The following TENM3 variants were observed in gnomAD, a reference collection of about 807,000 sequenced individuals.
The protein encoded by TENM3 is teneurin-3.
In TENM3, 63 loss-of-function variants were observed where a neutral mutation model predicts 255.1. The observed-to-expected ratio is 0.25, with a 90% confidence interval of 0.20 to 0.30. The LOEUF (loss-of-function observed/expected upper bound fraction) is 0.30. Among genes scored for constraint, TENM3 ranks in the 10% least tolerant of loss-of-function variants. The pLI is 1.00. For missense variants in TENM3, 2,929 were observed against 3,461.1 expected, an observed-to-expected ratio of 0.85 and a Z score of 3.86; for synonymous variants, 1,306 against 1,322.3, an observed-to-expected ratio of 0.99 and a Z score of 0.27.
the TENM3 span, among the ~76,000 whole-genome samples, chr4:182,122,054 A>T: frequency 6.6e-6 from 1 of 152,234 alleles, no homozygotes; most frequent in Non-Finnish European, 1.5e-5. Flanking sequence ...TCAAGAAACC[A>T]CTTTCTTTGC....
the TENM3 span, among the ~76,000 whole-genome samples, chr4:182,065,408 G>C: frequency 1.3e-5 from 2 of 152,216 alleles, no homozygotes; most frequent in Non-Finnish European, 2.9e-5. Flanking sequence ...AGCATGGCTG[G>C]GGAGGCCTGG....
chr4:181,645,527 T>C, the TENM3 span, among the ~76,000 whole-genome samples: 16 of 152,224 alleles, frequency 1.1e-4, no homozygotes, highest in Non-Finnish European at 2.2e-4. Flanking sequence ...TCATTTATTC[T>C]CAAAATTATT....
intron 1 of TENM3, among the ~76,000 whole-genome samples, chr4:182,257,482 G>GA (rs1187010723): frequency 6.6e-6 from 1 of 152,096 alleles, no homozygotes; most frequent in Non-Finnish European, 1.5e-5. Flanking sequence ...AGGCGGTTGG[G>GA]AAAAAAGCAA....
chr4:182,393,512 T>C (rs769300784), intron 3 of TENM3, among the ~76,000 whole-genome samples: 1 of 152,198 alleles, frequency 6.6e-6, no homozygotes, highest in African/African-American at 2.4e-5. Context: ...ACAAGCCTAA[T>C]TTATTTAATA....
the TENM3 span, among the ~76,000 whole-genome samples, chr4:182,085,762 A>G: frequency 1.3e-5 from 2 of 152,210 alleles, no homozygotes. Context: ...TGAAAAACAT[A>G]TATTATCTGA....
intron 1 of TENM3, among the ~76,000 whole-genome samples, chr4:182,220,556 G>C (rs1056304735): frequency 3.3e-5 from 5 of 152,076 alleles, no homozygotes; most frequent in Admixed American, 2.6e-4. Flanking sequence ...CCAAATGTGG[G>C]GGGCACTGCT....
intron 1 of TENM3, among the ~76,000 whole-genome samples, chr4:182,150,623 CTT>C (rs369610305): frequency 8.9e-5 from 13 of 146,566 alleles, no homozygotes; most frequent in African/African-American, 3.0e-4. Context: ...TATGTAGAGA[CTT>C]AAAAAAACCC....
intron 1 of TENM3, among the ~76,000 whole-genome samples, chr4:182,175,692 A>C (rs1479774303): frequency 6.6e-6 from 1 of 152,180 alleles, no homozygotes; most frequent in African/African-American, 2.4e-5. Flanking sequence ...TGCCACTGTA[A>C]GGCTTAGCCA....
the TENM3 span, among the ~76,000 whole-genome samples, chr4:181,579,470 G>T: frequency 6.6e-6 from 1 of 152,150 alleles, no homozygotes; most frequent in African/African-American, 2.4e-5. Context: ...GAAAATTCTG[G>T]AAAGTGTATT....
chr4:182,571,162 C>G (rs1360295503), intron 3 of TENM3, among the ~76,000 whole-genome samples: 1 of 152,158 alleles, frequency 6.6e-6, no homozygotes, highest in African/African-American at 2.4e-5. Flanking sequence ...CGTGTAAAGG[C>G]CCAGGCTATG....
At chr4:181,670,487 G>C in the TENM3 span, among the ~76,000 whole-genome samples, 203 of 152,130 alleles carry the variant, frequency 1.3e-3, 1 homozygote, top group African/African-American at 4.9e-3. Flanking sequence ...ATGAAAGATA[G>C]AAAAAAAGGC....
chr4:182,152,852 AAG>A (rs1750438128), intron 1 of TENM3, among the ~76,000 whole-genome samples: 1 of 151,870 alleles, frequency 6.6e-6, no homozygotes, highest in Admixed American at 6.6e-5. Context: ...CCAAAGAAAA[AAG>A]ATGTAATTTT....
At chr4:181,919,233 G>A in the TENM3 span, among the ~76,000 whole-genome samples, 1 of 152,120 alleles carries the variant, frequency 6.6e-6, no homozygotes, top group Non-Finnish European at 1.5e-5. Context: ...TGTTTAGTGT[G>A]TGTCTTTGGC....
chr4:182,313,852 TCTAA>T (rs778602698), intron 1 of TENM3, among the ~76,000 whole-genome samples: 4 of 152,166 alleles, frequency 2.6e-5, no homozygotes, highest in African/African-American at 9.7e-5. Flanking sequence ...TGATGCCACC[TCTAA>T]CTATCTCTCA....
At chr4:182,165,837 G>A (rs1009128572) in intron 1 of TENM3, among the ~76,000 whole-genome samples, 19 of 152,188 alleles carry the variant, frequency 1.2e-4, no homozygotes, top group Admixed American at 7.2e-4. Flanking sequence ...GTGCAGTGGC[G>A]TGCTCTCGGC....
chr4:181,993,494 G>A, the TENM3 span, among the ~76,000 whole-genome samples: 1 of 152,108 alleles, frequency 6.6e-6, no homozygotes, highest in African/African-American at 2.4e-5. Flanking sequence ...TGTCTGCTGT[G>A]GCGAGGCATT....
chr4:181,842,124 A>G, the TENM3 span, among the ~76,000 whole-genome samples: 5 of 152,192 alleles, frequency 3.3e-5, no homozygotes, highest in African/African-American at 1.2e-4. Flanking sequence ...TTGTTACTAA[A>G]TAAATTAAAA....
the TENM3 span, among the ~76,000 whole-genome samples, chr4:182,099,152 C>T: frequency 2.0e-5 from 3 of 151,650 alleles, no homozygotes; most frequent in African/African-American, 4.8e-5. Context: ...TTAGTAGAGA[C>T]GGGGTTTCAC....
At chr4:181,735,756 T>A in the TENM3 span, among the ~76,000 whole-genome samples, 9 of 152,156 alleles carry the variant, frequency 5.9e-5, no homozygotes, top group South Asian at 2.1e-4. Flanking sequence ...ACTTGATTTG[T>A]CTTTCCTTAG....
Sources: gnomAD v4.1 joint callset for allele counts (sites outside exome capture counted in the v4.1 genomes callset) on GRCh38, gnomAD v4.1.1 for gene constraint, MANE v1.5 for transcripts, NCBI Gene and HGNC (gene_info 2026-07-23, HGNC 2026-07-21) for gene names.